Variants in ZNF850 observed in about 807,000 individuals in gnomAD.
ZNF850 encodes the protein putative zinc finger protein ENSP00000330994.
In ZNF850, 2 loss-of-function variants were observed where a neutral mutation model predicts 11.9. That is an observed-to-expected ratio of 0.17 (90% CI 0.07 to 0.53). ZNF850 has a LOEUF of 0.53. Among genes scored for constraint, ZNF850 ranks in the 20% least tolerant of loss-of-function variants. ZNF850 has a pLI of 0.94. For synonymous variants in ZNF850, 381 were observed against 443.0 expected (o/e 0.86, Z 1.76); for missense variants, 1,014 against 1,316.4 (o/e 0.77, Z 3.55).
At position 36,747,720 on chromosome 19, in the gene ZNF850, T is replaced by G. The variant is rs1322510470; in HGVS notation, c.*47A>C. 2 of 1,438,258 alleles carry G rather than the reference T, an allele frequency of 1.4e-6. No individual in the cohort carries two copies. The highest frequency in any genetic ancestry group is 2.7e-5 in the Admixed American group (1 of 36,608). The allele number at this position is 1,438,258 out of a possible 1,614,324, so 89.1% of individuals were successfully genotyped here. ...TTGTATTTGACCCACATATGGAATC[T>G]GCTGATGATCCATGACAAATGGCAT... On this transcript the variant is annotated 3_prime_UTR_variant, in exon 5 of 5. Coordinates refer to ENST00000591344, the MANE Select transcript of ZNF850 (RefSeq NM_001193552.2).
intron 1 of ZNF850, among the ~76,000 whole-genome samples, chr19:36,770,395 C>T (rs1484278691): frequency 6.6e-6 from 1 of 152,106 alleles, no homozygotes; most frequent in Admixed American, 6.6e-5. Flanking sequence ...TTCGGTCAAT[C>T]ACTAACATAC....
Position 36,762,595 on chromosome 19 carries a change from C to T in ZNF850, c.12G>A (p.Glu4=). Residue 4 remains glutamate (E), a splice_region_variant and synonymous_variant, in exon 2 of 5, where the codon GAG becomes GAA. Coordinates refer to ENST00000591344, the MANE Select transcript of ZNF850 (RefSeq NM_001193552.2). ...AATTAGTGTAACTTCAACAAAGTAC[C>T]TCCATGTTCATGAATATTCCTGTTG... MNM[E]GLVMFQDLSI... The T allele has an allele frequency of 6.5e-7, 1 of 1,535,934 alleles. No homozygotes were observed. The highest frequency in any genetic ancestry group is 8.7e-7 in the Non-Finnish European group (1 of 1,146,758).
chr19:36,767,736 A>G (rs1399728235), intron 1 of ZNF850, among the ~76,000 whole-genome samples: 1 of 152,036 alleles, frequency 6.6e-6, no homozygotes, highest in East Asian at 1.9e-4. Context: ...TCTCAAAAAG[A>G]AAAAAGAAAA....
chr19:36,749,464 T>C lies in ZNF850; in HGVS notation c.1576A>G (p.Ile526Val). 5.8e-6 allele frequency: 9 copies of C among 1,550,662 alleles called. No homozygotes were observed. Among genetic ancestry groups the C allele is most frequent in the Non-Finnish European group, 7.8e-6 (9 of 1,152,720 alleles). Residue 526 changes from isoleucine (I) to valine (V), a missense_variant, in exon 5 of 5, where the codon ATT (isoleucine) becomes GTT (valine). Coordinates refer to ENST00000591344, the MANE Select transcript of ZNF850 (RefSeq NM_001193552.2). ...SGSALLQHQR[I>V]HTGEKPYHCK... ...TGATAGGGTTTCTCACCAGTGTGAA[T>C]TCGCTGATGTTGAAGTAGTGCTGAG...
chr19:36,755,880 G>GT (rs1178483208), intron 4 of ZNF850, among the ~76,000 whole-genome samples: 3 of 138,298 alleles, frequency 2.2e-5, no homozygotes, highest in African/African-American at 5.3e-5. Context: ...TAACTACATA[G>GT]TTTTTTTATA....
At position 36,755,754 on chromosome 19, in the gene ZNF850, GA is replaced by G. The variant is rs978232777; in HGVS notation, c.236-4951del. Reference sequence around the variant, plus strand: ...ACAGGGAAATGGGAAATCACATGAAGAAAAAAAACAGCAGAAACAGAACCAA... The same window carrying G: ...ACAGGGAAATGGGAAATCACATGAAGAAAAAAACAGCAGAAACAGAACCAA... On this transcript the variant is annotated intron_variant, in intron 4 of 4. Transcript: ENST00000591344. Among the ~76,000 whole-genome samples, 19 of 148,792 alleles carry G rather than the reference GA, an allele frequency of 1.3e-4. No individual in the cohort carries two copies. In the East Asian group the frequency reaches 3.2e-3, roughly 25 times the overall value.
rs2040399284 is a variant in ZNF850 at position 36,744,393 on chromosome 19, G to A, written c.*3374C>T. 6.6e-6 allele frequency: 1 copy of A among 152,112 alleles called. No homozygotes were observed. Among genetic ancestry groups the A allele is most frequent in the African/African-American group, 2.4e-5 (1 of 41,408 alleles). 9.4% of individuals were successfully genotyped at this position (152,112 alleles called of 1,614,324 possible). On this transcript the variant is annotated 3_prime_UTR_variant, in exon 5 of 5. Coordinates refer to ENST00000591344, the MANE Select transcript of ZNF850 (RefSeq NM_001193552.2). ...CTGTAATCCCAGCACCTAGGAGGCTGAGGTGCTAGGACCAATTGAGCCCAA... is the reference window on the plus strand; with the variant it reads ...CTGTAATCCCAGCACCTAGGAGGCTAAGGTGCTAGGACCAATTGAGCCCAA...
chr19:36,770,734 A>AAAAAAAAAC (rs2040576619), intron 1 of ZNF850, among the ~76,000 whole-genome samples: 1 of 147,616 alleles, frequency 6.8e-6, no homozygotes, highest in Non-Finnish European at 1.5e-5. Flanking sequence ...AAAAAAAAAA[A>AAAAAAAAAC]AAAAGCCAGC....
intron 1 of ZNF850, among the ~76,000 whole-genome samples, chr19:36,768,086 C>T (rs945452982): frequency 6.6e-6 from 1 of 151,926 alleles, no homozygotes; most frequent in African/African-American, 2.4e-5. Flanking sequence ...TATAGGGAGA[C>T]CCCCGTCTCT....
intron 4 of ZNF850, among the ~76,000 whole-genome samples, chr19:36,754,628 T>C (rs2040474256): frequency 6.6e-6 from 1 of 152,226 alleles, no homozygotes; most frequent in East Asian, 1.9e-4. Context: ...CGATCTCAGC[T>C]CACTGCAACC....
At position 36,771,183 on chromosome 19, in the gene ZNF850, G is replaced by A. The variant is rs769382632; in HGVS notation, c.-70+1542C>T. 1.2e-4 allele frequency among the ~76,000 whole-genome samples: 18 copies of A among 152,256 alleles called. No homozygotes were observed. The Middle Eastern group carries it at 0.014, about 115-fold the overall frequency. ...GGGACACAAAGGATGAGGTCGGAGC[G>A]GAAGTTTAATAAGCAAAAGAAGAAA... On this transcript the variant is annotated intron_variant, in intron 1 of 4. Coordinates refer to ENST00000591344, the MANE Select transcript of ZNF850 (RefSeq NM_001193552.2).
chr19:36,765,531 T>C (rs1399803430), intron 1 of ZNF850, among the ~76,000 whole-genome samples: 5 of 152,116 alleles, frequency 3.3e-5, no homozygotes, highest in Non-Finnish European at 7.4e-5. Context: ...ATTAATAATA[T>C]CTAGTGGCTG....
rs1600600878 is a variant in ZNF850, at chr19:36,745,277, G to T, written c.*2490C>A. On this transcript the variant is annotated 3_prime_UTR_variant, in exon 5 of 5. Coordinates refer to ENST00000591344, the MANE Select transcript of ZNF850 (RefSeq NM_001193552.2). ...TAGAGAAGTGTTAAATTTTTTAAAC[G>T]CAAGTGTAATTTAAATAGAATGAAA... The T allele has an allele frequency of 6.6e-6, 1 of 151,998 alleles. No individual in the cohort carries two copies. The highest frequency in any genetic ancestry group is 2.4e-5 in the African/African-American group (1 of 41,374). 9.4% of individuals were successfully genotyped at this position (151,998 alleles called of 1,614,324 possible).
intron 1 of ZNF850, among the ~76,000 whole-genome samples, chr19:36,764,725 C>CTTTTT (rs35367899): frequency 1.6e-5 from 2 of 126,834 alleles, no homozygotes; most frequent in Non-Finnish European, 3.2e-5. Flanking sequence ...TTTCCTTTCC[C>CTTTTT]TTTTTTTTTT....
In ZNF850 at chr19:36,746,290, C is replaced by G. The variant is rs1443854792; in HGVS notation, c.*1477G>C. ...TGGTGGCCTATGATTATCTTAGGCA[C>G]CACTACTTGTTTTAGGGCATCACAA... On this transcript the variant is annotated 3_prime_UTR_variant, in exon 5 of 5. Transcript: ENST00000591344. 6.6e-6 allele frequency: 1 copy of G among 152,174 alleles called. No individual in the cohort carries two copies. The highest frequency in any genetic ancestry group is 1.5e-5 in the Non-Finnish European group (1 of 68,036). 9.4% of individuals were successfully genotyped at this position (152,174 alleles called of 1,614,324 possible).
Position 36,749,474 on chromosome 19 carries a change from T to G in ZNF850, c.1566A>C (p.Gln522His). 1.3e-6 allele frequency: 2 copies of G among 1,550,194 alleles called. No individual in the cohort carries two copies. The highest frequency in any genetic ancestry group is 1.7e-6 in the Non-Finnish European group (2 of 1,152,438). ...TCTCACCAGTGTGAATTCGCTGATGTTGAAGTAGTGCTGAGCCAGAAGCAA... is the reference window on the plus strand; with the variant it reads ...TCTCACCAGTGTGAATTCGCTGATGGTGAAGTAGTGCTGAGCCAGAAGCAA... ...KSFASGSALL[Q>H]HQRIHTGEKP... Residue 522 changes from glutamine (Q) to histidine (H), a missense_variant, in exon 5 of 5, where the codon CAA (glutamine) becomes CAC (histidine). Coordinates refer to ENST00000591344, the MANE Select transcript of ZNF850 (RefSeq NM_001193552.2).
rs2040447680 is a variant in ZNF850, at chr19:36,750,564, A to C, written c.476T>G (p.Leu159Arg). Residue 159 changes from leucine (L) to arginine (R), a missense_variant, in exon 5 of 5, where the codon CTG (leucine) becomes CGG (arginine). This residue lies in a region of ZNF850 where 835 missense variants were observed against 1,022.0 expected (regional missense o/e 0.82). Coordinates refer to ENST00000591344, the MANE Select transcript of ZNF850 (RefSeq NM_001193552.2). ...CTCTCCAGGATGAATCCGATGATGC[A>C]GAGTGAGAGATGTCTGTAGGCAGAA... is the stretch of plus-strand genomic sequence containing the variant. ...PTFCLQTSLT[L>R]HHRIHPGEKL... The C allele has an allele frequency of 6.5e-7, 1 of 1,536,186 alleles. No homozygotes were observed. Among genetic ancestry groups the C allele is most frequent in the Non-Finnish European group, 8.7e-7 (1 of 1,146,922 alleles).
At position 36,750,344 on chromosome 19, in the gene ZNF850, T is replaced by C; in HGVS notation, c.696A>G (p.Lys232=). The change falls in exon 5 of 5, where the codon AAA becomes AAG. Residue 232 remains lysine, a synonymous_variant. Transcript: ENST00000591344. ...EKPCACKEYG[K]AFISGSHLIQ... Reference sequence around the variant, plus strand: ...TAAGATGTGAGCCAGAAATAAAAGCTTTTCCATATTCTTTACATGCACAGG... The same window carrying C: ...TAAGATGTGAGCCAGAAATAAAAGCCTTTCCATATTCTTTACATGCACAGG... 6.5e-7 allele frequency: 1 copy of C among 1,536,544 alleles called. No homozygotes were observed. The highest frequency in any genetic ancestry group is 1.4e-5 in the African/African-American group (1 of 73,182).
In ZNF850 at chr19:36,744,303, G is replaced by T. The variant is rs1186659977; in HGVS notation, c.*3464C>A. ...AAAAATTCTACTTTTTTCATAAAAA[G>T]AGTTAATTTTTAAAAGTGAAAAGTA... On this transcript the variant is annotated 3_prime_UTR_variant, in exon 5 of 5. Coordinates refer to ENST00000591344, the MANE Select transcript of ZNF850 (RefSeq NM_001193552.2). The T allele has an allele frequency of 6.6e-6, 1 of 151,982 alleles. No individual in the cohort carries two copies. The highest frequency in any genetic ancestry group is 2.4e-5 in the African/African-American group (1 of 41,352). 9.4% of individuals were successfully genotyped at this position (151,982 alleles called of 1,614,324 possible).
Sources: allele counts gnomAD v4.1 joint callset (sites outside exome capture counted in the v4.1 genomes callset), GRCh38; gene constraint gnomAD v4.1.1; regional missense constraint gnomAD v4.1.1; transcripts MANE v1.5; gene names NCBI Gene and HGNC (gene_info 2026-07-23, HGNC 2026-07-21).